Variants in RELN observed in about 807,000 individuals in gnomAD.
RELN encodes reelin.
Under a neutral mutation model 427.6 loss-of-function variants are expected in RELN, and 108 were observed. That is an observed-to-expected ratio of 0.25 (90% CI 0.22 to 0.30). The LOEUF is 0.30. Ranked by LOEUF, RELN falls within the 10% of genes least tolerant of loss-of-function variation. The probability of loss-of-function intolerance (pLI) is 1.00; values close to 1 mark genes in which losing one functional copy is unlikely to be tolerated. For synonymous variants in RELN, 1,524 were observed against 1,513.4 expected (o/e 1.01, Z -0.16); for missense variants, 3,715 against 4,302.8 (o/e 0.86, Z 3.82).
intron 1 of RELN, among the ~76,000 whole-genome samples, chr7:103,971,282 T>C (rs958750311): frequency 7.9e-5 from 12 of 151,816 alleles, no homozygotes; most frequent in African/African-American, 2.9e-4. Context: ...AAACAACTGA[T>C]AGATTTGACT....
rs549312123 is a variant in RELN at position 103,623,356 on chromosome 7, T to C, written c.2702+6584A>G. Reference sequence around the variant, plus strand: ...TCCAAGAATACTCTAAGCTTGCTAATAAACTATTTAAAAGACAAAATTTCT... The same window carrying C: ...TCCAAGAATACTCTAAGCTTGCTAACAAACTATTTAAAAGACAAAATTTCT... On this transcript the variant is annotated intron_variant, in intron 20 of 64. Transcript: ENST00000428762. 2.6e-5 allele frequency among the ~76,000 whole-genome samples: 4 copies of C among 152,354 alleles called. 1 individual carries two copies. Among genetic ancestry groups the C allele is most frequent in the African/African-American group, 7.2e-5 (3 of 41,594 alleles).
Position 103,515,186 on chromosome 7 carries a change from T to C in RELN, c.8118A>G (p.Ser2706=). 1 of 1,614,192 alleles carries C rather than the reference T, an allele frequency of 6.2e-7. No homozygotes were observed. The highest frequency in any genetic ancestry group is 1.3e-5 in the African/African-American group (1 of 75,050). ...AFDMFMEDKT[S]VNEHWLFHDD... ...TATTTAGCGCTGTGCATAATTTACCTGAAGTTTTGTCTTCCATAAACATGT... is the reference window on the plus strand; with the variant it reads ...TATTTAGCGCTGTGCATAATTTACCCGAAGTTTTGTCTTCCATAAACATGT... The change falls in exon 50 of 65, where the codon TCA becomes TCG. Residue 2706 remains serine, a splice_region_variant and synonymous_variant. Coordinates refer to ENST00000428762, the MANE Select transcript of RELN (RefSeq NM_005045.4).
intron 6 of RELN, among the ~76,000 whole-genome samples, chr7:103,744,139 T>G (rs1790750648): frequency 1.3e-5 from 2 of 152,196 alleles, no homozygotes; most frequent in Admixed American, 6.5e-5. Flanking sequence ...ACATGGAAAC[T>G]GAACAACCTG....
At chr7:103,917,385 C>T (rs1393930429) in intron 1 of RELN, among the ~76,000 whole-genome samples, 200 bp from the exon 2 acceptor site, 1 of 152,026 alleles carries the variant, frequency 6.6e-6, no homozygotes, top group Non-Finnish European at 1.5e-5. Flanking sequence ...ATTGCTGGTC[C>T]TAAATTTAGA....
chr7:103,885,057 T>G (rs886196729), intron 2 of RELN, among the ~76,000 whole-genome samples: 12 of 152,224 alleles, frequency 7.9e-5, no homozygotes, highest in Non-Finnish European at 1.6e-4. Flanking sequence ...ATAGACTGGA[T>G]AGGCAGGCAT....
intron 1 of RELN, among the ~76,000 whole-genome samples, chr7:103,942,110 T>C (rs1201524246): frequency 1.3e-5 from 2 of 152,190 alleles, no homozygotes; most frequent in Non-Finnish European, 2.9e-5. Context: ...GAGATACTTT[T>C]TAAAATTAAC....
intron 3 of RELN, among the ~76,000 whole-genome samples, chr7:103,818,659 TGTACAATAGTG>T (rs1792942033): frequency 6.6e-6 from 1 of 152,188 alleles, no homozygotes; most frequent in Admixed American, 6.5e-5. Context: ...TTCACAAAGC[TGTACAATAGTG>T]AGTATTGGAA....
intron 2 of RELN, among the ~76,000 whole-genome samples, chr7:103,911,332 A>G (rs1336922793): frequency 6.6e-6 from 1 of 150,588 alleles, no homozygotes; most frequent in Non-Finnish European, 1.5e-5. Flanking sequence ...GAGAATGGCA[A>G]TCATTAAAAA....
At chr7:103,942,799 C>G (rs575090521) in intron 1 of RELN, among the ~76,000 whole-genome samples, 56 of 152,222 alleles carry the variant, frequency 3.7e-4, no homozygotes, top group African/African-American at 1.3e-3. Flanking sequence ...GTAGTCCCCG[C>G]TACTCAGGAG....
intron 3 of RELN, among the ~76,000 whole-genome samples, chr7:103,804,115 T>C (rs1792536228): frequency 6.6e-6 from 1 of 152,106 alleles, no homozygotes. Flanking sequence ...AGGGAAAAAA[T>C]TCCTACCATT....
chr7:103,971,784 A>G (rs1270956962), intron 1 of RELN, among the ~76,000 whole-genome samples: 2 of 149,144 alleles, frequency 1.3e-5, no homozygotes, highest in African/African-American at 4.9e-5. Flanking sequence ...AACTTTAAAA[A>G]AATCTTGGCC....
At chr7:103,656,239 A>T (rs548896799) in intron 12 of RELN, among the ~76,000 whole-genome samples, 1 of 152,224 alleles carries the variant, frequency 6.6e-6, no homozygotes, top group Middle Eastern at 3.4e-3. Flanking sequence ...AAAATACACT[A>T]TTGGAATTAT....
intron 37 of RELN, among the ~76,000 whole-genome samples, chr7:103,557,748 C>T (rs994484005): frequency 6.6e-6 from 1 of 152,142 alleles, no homozygotes; most frequent in South Asian, 2.1e-4. Context: ...AATATGATTA[C>T]AGCTATATGA....
intron 8 of RELN, among the ~76,000 whole-genome samples, 159 bp from the exon 9 acceptor site, chr7:103,701,165 T>A (rs986001985): frequency 6.6e-6 from 1 of 152,268 alleles, no homozygotes; most frequent in Middle Eastern, 3.4e-3. Flanking sequence ...TGATCTGTTC[T>A]GGTAACTACC....
intron 8 of RELN, among the ~76,000 whole-genome samples, chr7:103,713,630 T>A (rs1562967937): frequency 6.6e-6 from 1 of 151,494 alleles, no homozygotes; most frequent in Admixed American, 6.6e-5. Flanking sequence ...CATGAAGATA[T>A]TGGTATAATA....
intron 2 of RELN, among the ~76,000 whole-genome samples, chr7:103,903,274 G>GTT (rs200223959): frequency 0.11 from 15,041 of 142,732 alleles, 959 homozygotes; most frequent in East Asian, 0.26. Context: ...ATTCCTAAGT[G>GTT]TTTTTTTTTT....
rs1401294360 is a variant in RELN at position 103,569,814 on chromosome 7, C to A, written c.4588+2370G>T. Among the ~76,000 whole-genome samples the A allele has an allele frequency of 6.6e-6, 1 of 152,212 alleles. No homozygotes were observed. Among genetic ancestry groups the A allele is most frequent in the African/African-American group, 2.4e-5 (1 of 41,450 alleles). ...CTCATTAGCCATGTCATCTAACACACTGTACATCTGAATGAACCAGGCCCT... is the reference window on the plus strand; with the variant it reads ...CTCATTAGCCATGTCATCTAACACAATGTACATCTGAATGAACCAGGCCCT... On this transcript the variant is annotated intron_variant, in intron 31 of 64. Coordinates refer to ENST00000428762, the MANE Select transcript of RELN (RefSeq NM_005045.4). The surrounding 1 kb of genome is among the most constrained non-coding windows in gnomAD (Gnocchi z 4.0).
intron 63 of RELN, among the ~76,000 whole-genome samples, chr7:103,481,371 A>G (rs1243786197): frequency 6.6e-6 from 1 of 152,208 alleles, no homozygotes; most frequent in Non-Finnish European, 1.5e-5. Flanking sequence ...TGAAGTTTCC[A>G]CAGGAGTTTG....
chr7:103,760,519 T>G (rs892309535), intron 4 of RELN, among the ~76,000 whole-genome samples: 4 of 152,068 alleles, frequency 2.6e-5, no homozygotes, highest in Admixed American at 2.6e-4. Flanking sequence ...TTGAACAAAT[T>G]ACTCAGTGCA....
Sources: gnomAD v4.1 joint callset for allele counts (sites outside exome capture counted in the v4.1 genomes callset) on GRCh38, gnomAD v4.1.1 for gene constraint, Gnocchi (gnomAD v3.1) non-coding constraint, MANE v1.5 for transcripts, NCBI Gene and HGNC (gene_info 2026-07-23, HGNC 2026-07-21) for gene names.